SLC9B1: variants seen among roughly 807,000 people sequenced by gnomAD.
SLC9B1 encodes sodium/hydrogen exchanger 9B1.
Under a neutral mutation model 51.7 loss-of-function variants are expected in SLC9B1, and 32 were observed. That is an observed-to-expected ratio of 0.62 (90% confidence interval 0.47 to 0.83). The LOEUF (loss-of-function observed/expected upper bound fraction) is 0.83, where lower values mean the gene tolerates loss of function less well. Ranked by LOEUF, SLC9B1 falls within the 40% of genes least tolerant of loss-of-function variation. SLC9B1 has a pLI of 0.00. For missense variants in SLC9B1, 406 were observed against 613.2 expected, an observed-to-expected ratio of 0.66 and a Z score of 3.57; for synonymous variants, 145 against 212.7, an observed-to-expected ratio of 0.68 and a Z score of 2.77.
At position 102,919,582 on chromosome 4, in the gene SLC9B1, G is replaced by A. The variant is rs529928520; in HGVS notation, c.830-8045C>T. ...GGAGAGTGGGTGCAGGCCCACAGAG[G>A]GTGAGCTGAAGCAGGGTGGGGCATC... On this transcript the variant is annotated intron_variant, in intron 7 of 11. Coordinates refer to ENST00000296422, the MANE Select transcript of SLC9B1 (RefSeq NM_139173.4). 8.5e-5 allele frequency among the ~76,000 whole-genome samples: 13 copies of A among 152,210 alleles called. No homozygotes were observed. In the East Asian group the frequency reaches 2.5e-3, roughly 29 times the overall value.
chr4:102,980,706 G>C (rs1739307090), intron 3 of SLC9B1, among the ~76,000 whole-genome samples: 1 of 151,902 alleles, frequency 6.6e-6, no homozygotes, highest in Non-Finnish European at 1.5e-5. Context: ...TAACAAACCT[G>C]CACATCCTGC....
chr4:102,979,920 TA>T (rs963110079), intron 3 of SLC9B1, among the ~76,000 whole-genome samples: 3 of 151,556 alleles, frequency 2.0e-5, no homozygotes, highest in Non-Finnish European at 4.4e-5. Context: ...ACAACCCCAT[TA>T]AAAAGTGGGT....
intron 3 of SLC9B1, among the ~76,000 whole-genome samples, chr4:102,971,891 G>T (rs901335962): frequency 1.4e-4 from 21 of 152,150 alleles, no homozygotes; most frequent in African/African-American, 4.6e-4. Flanking sequence ...AAATCTAGAA[G>T]AAATGGATAA....
Position 102,945,251 on chromosome 4 carries a change from C to T in SLC9B1, c.595G>A (p.Ala199Thr), listed in dbSNP as rs1454607013. ...VGPCLMEASA[A>T]AVFSHFIMKF... is the part of the protein sequence containing the mutation. ...ATAATGAAGTGTGAAAAAACAGCAG[C>T]TGCACTTGCCTCCATAAGGCATGGA... The change falls in exon 6 of 12, where the codon GCT becomes ACT. Residue 199 changes from alanine (A) to threonine (T), a missense_variant. Around this residue, in one of 6 missense-constraint regions of SLC9B1, gnomAD observed 250 missense variants for 394.1 expected, o/e 0.63. Transcript: ENST00000296422. 2 of 1,609,062 alleles carry T rather than the reference C, an allele frequency of 1.2e-6. No homozygotes were observed. Among genetic ancestry groups the T allele is most frequent in the African/African-American group, 2.7e-5 (2 of 74,860 alleles).
intron 1 of SLC9B1, among the ~76,000 whole-genome samples, chr4:102,998,647 C>A (rs2110527088): frequency 6.7e-6 from 1 of 150,264 alleles, no homozygotes; most frequent in African/African-American, 2.5e-5. Flanking sequence ...ATATTGACAT[C>A]AACGATGCAC....
chr4:102,907,958 A>G (rs1354913366), intron 9 of SLC9B1, among the ~76,000 whole-genome samples: 1 of 152,116 alleles, frequency 6.6e-6, no homozygotes, highest in Non-Finnish European at 1.5e-5. Flanking sequence ...CATTTCATTC[A>G]TTTCATTTCT....
At chr4:102,937,064 C>T (rs1462175831) in intron 6 of SLC9B1, among the ~76,000 whole-genome samples, 2 of 152,094 alleles carry the variant, frequency 1.3e-5, no homozygotes, top group African/African-American at 4.8e-5. Context: ...CTGTAAGATA[C>T]TCTACAATCC....
chr4:102,994,546 G>A (rs150664251), intron 1 of SLC9B1, among the ~76,000 whole-genome samples: 39 of 152,226 alleles, frequency 2.6e-4, no homozygotes, highest in Non-Finnish European at 4.3e-4. Flanking sequence ...TTCCAAAGTC[G>A]CTTCCACATT....
chr4:102,907,142 T>G lies in SLC9B1; in HGVS notation c.1087-498A>C, dbSNP rs74641906. Among the ~76,000 whole-genome samples, 142 of 149,468 alleles carry G rather than the reference T, an allele frequency of 9.5e-4. 2 individuals carry two copies. The highest frequency in any genetic ancestry group is 2.7e-3 in the African/African-American group (110 of 40,680). On this transcript the variant is annotated intron_variant, in intron 9 of 11. Transcript: ENST00000296422. Reference sequence around the variant, plus strand: ...ACACTTAGGTAGAATTTGATTAAAATAAACTCACAAAGCAATAAAATAATA... The same window carrying G: ...ACACTTAGGTAGAATTTGATTAAAAGAAACTCACAAAGCAATAAAATAATA...
chr4:103,004,586 C>T (rs1040285142), intron 1 of SLC9B1, among the ~76,000 whole-genome samples: 2 of 152,098 alleles, frequency 1.3e-5, no homozygotes, highest in African/African-American at 4.8e-5. Flanking sequence ...GCAGAGAACC[C>T]TTGTGAGATA....
intron 3 of SLC9B1, among the ~76,000 whole-genome samples, chr4:102,950,227 T>A (rs1737478681): frequency 6.6e-6 from 1 of 152,154 alleles, no homozygotes; most frequent in African/African-American, 2.4e-5. Flanking sequence ...ATAATTCAAC[T>A]GATATTTGGC....
Position 102,924,427 on chromosome 4 carries a change from C to A in SLC9B1, c.829+7697G>T, listed in dbSNP as rs568974329. 1.7e-4 allele frequency among the ~76,000 whole-genome samples: 26 copies of A among 152,116 alleles called. No individual in the cohort carries two copies. In the South Asian group the frequency reaches 2.1e-3, roughly 12 times the overall value. ...TAATTCAAGATGGATTAAAGACTTACATGTTAGACCTAAAACCATAAAAAC... is the reference window on the plus strand; with the variant it reads ...TAATTCAAGATGGATTAAAGACTTAAATGTTAGACCTAAAACCATAAAAAC... On this transcript the variant is annotated intron_variant, in intron 7 of 11. Transcript: ENST00000296422.
chr4:102,910,394 T>C, intron 9 of SLC9B1, 45 bp downstream of exon 9: 1 of 1,489,894 alleles, frequency 6.7e-7, no homozygotes, highest in Non-Finnish European at 8.9e-7. Flanking sequence ...TGTAAAAAAT[T>C]CAGTTGTTTT....
chr4:102,975,940 CTA>C (rs1431317517), intron 3 of SLC9B1, among the ~76,000 whole-genome samples: 1 of 151,532 alleles, frequency 6.6e-6, no homozygotes, highest in African/African-American at 2.4e-5. Flanking sequence ...CATAGAAAAA[CTA>C]TATAAAAAGA....
chr4:102,919,065 C>G lies in SLC9B1; in HGVS notation c.830-7528G>C, dbSNP rs1735729540. 2.0e-5 allele frequency among the ~76,000 whole-genome samples: 3 copies of G among 152,194 alleles called. No homozygotes were observed. The South Asian group carries it at 6.2e-4, about 31-fold the overall frequency. On this transcript the variant is annotated intron_variant, in intron 7 of 11. Coordinates refer to ENST00000296422, the MANE Select transcript of SLC9B1 (RefSeq NM_139173.4). ...TGCACAGAGCAGCAAAGCTCTGGGC[C>G]TGGCCCACAAAACCATTTTTTCCCT...
chr4:102,897,540 C>G (rs147032604), downstream of SLC9B1: 27 of 284,030 alleles, frequency 9.5e-5, no homozygotes, highest in East Asian at 2.7e-3. Flanking sequence ...GGGAATCAGC[C>G]TCTATCAGCC....
chr4:102,917,473 A>ATCTATATCTATG (rs1735639027), intron 7 of SLC9B1, among the ~76,000 whole-genome samples: 1 of 150,980 alleles, frequency 6.6e-6, no homozygotes, highest in Non-Finnish European at 1.5e-5. Flanking sequence ...CTATATCTAT[A>ATCTATATCTATG]TCTATATCTA....
intron 3 of SLC9B1, among the ~76,000 whole-genome samples, chr4:102,978,846 A>C (rs889045446): frequency 2.6e-5 from 4 of 152,166 alleles, no homozygotes; most frequent in Non-Finnish European, 4.4e-5. Flanking sequence ...ACGTGTTCTT[A>C]TTTTTAGGAT....
At chr4:102,954,687 A>G (rs574972144) in intron 3 of SLC9B1, among the ~76,000 whole-genome samples, 1 of 152,070 alleles carries the variant, frequency 6.6e-6, no homozygotes, top group East Asian at 1.9e-4. Flanking sequence ...TTAAGAACAT[A>G]TGCCATTTTT....
Sources: allele counts gnomAD v4.1 joint callset (sites outside exome capture counted in the v4.1 genomes callset), GRCh38; gene constraint gnomAD v4.1.1; regional missense constraint gnomAD v4.1.1; transcripts MANE v1.5; gene names NCBI Gene and HGNC (gene_info 2026-07-23, HGNC 2026-07-21).